Variants in LITAF observed in about 807,000 individuals in gnomAD.
The protein encoded by LITAF is lipopolysaccharide-induced tumor necrosis factor-alpha factor.
In LITAF, 9 loss-of-function variants were observed where a neutral mutation model predicts 14.5. The ratio of observed to expected loss-of-function variants is 0.62; its 90% CI spans 0.37 to 1.08. The LOEUF (loss-of-function observed/expected upper bound fraction) is 1.08, where lower values mean the gene tolerates loss of function less well. Among genes scored for constraint, LITAF ranks in the 50% least tolerant of loss-of-function variants. The pLI, the probability that LITAF is intolerant of heterozygous loss-of-function variation, is 0.01. For synonymous variants in LITAF, 98 were observed against 88.2 expected, an observed-to-expected ratio of 1.11 and a Z score of -0.62; for missense variants, 206 against 213.4, an observed-to-expected ratio of 0.97 and a Z score of 0.22.
At chr16:11,567,553 C>A (rs2064472760) in intron 1 of LITAF, among the ~76,000 whole-genome samples, 3 of 152,208 alleles carry the variant, frequency 2.0e-5, no homozygotes, top group Non-Finnish European at 2.9e-5. Flanking sequence ...AGTCTCCAAA[C>A]CTCAAGACTG....
At chr16:11,589,503 C>T (rs1346187823), upstream of LITAF, among the ~76,000 whole-genome samples, 1 of 151,960 alleles carries the variant, frequency 6.6e-6, no homozygotes, top group African/African-American at 2.4e-5. Flanking sequence ...TCTCTATTCA[C>T]AGGTGATATG....
At chr16:11,597,700 C>G (rs1260020200) in intron 1 of LITAF, among the ~76,000 whole-genome samples, 1 of 152,134 alleles carries the variant, frequency 6.6e-6, no homozygotes, top group East Asian at 1.9e-4. Context: ...AAAACAGTGT[C>G]CTACAGAGCC....
upstream of LITAF, chr16:11,587,423 A>G: frequency 2.2e-6 from 1 of 454,004 alleles, no homozygotes. Context: ...GCGTCCGGAC[A>G]GACCAAGACA....
intron 1 of LITAF, among the ~76,000 whole-genome samples, chr16:11,573,953 C>T (rs577923376): frequency 6.6e-6 from 1 of 151,890 alleles, no homozygotes; most frequent in African/African-American, 2.4e-5. Context: ...CCTCCCGCCT[C>T]GGGCTCCCAA....
upstream of LITAF, among the ~76,000 whole-genome samples, chr16:11,638,930 T>C (rs565660747): frequency 6.6e-6 from 1 of 152,214 alleles, no homozygotes; most frequent in East Asian, 1.9e-4. Flanking sequence ...TAGTAAACTT[T>C]AGTTATTTAA....
intron 2 of LITAF, among the ~76,000 whole-genome samples, chr16:11,555,658 C>CAAAA (rs5815645): frequency 8.2e-6 from 1 of 121,998 alleles, no homozygotes. Context: ...GACCCTGTCT[C>CAAAA]AAAAAAAAAA....
chr16:11,568,124 C>CA (rs1373706275), intron 1 of LITAF, among the ~76,000 whole-genome samples: 2 of 151,574 alleles, frequency 1.3e-5, no homozygotes, highest in Non-Finnish European at 2.9e-5. Context: ...CCCATCTCTA[C>CA]AAAAAAGACA....
intron 3 of LITAF, among the ~76,000 whole-genome samples, chr16:11,630,626 T>G (rs1251729836): frequency 2.7e-5 from 4 of 149,624 alleles, no homozygotes; most frequent in African/African-American, 9.9e-5. Context: ...TCACCTAGGC[T>G]GGAGTGCAGT....
At chr16:11,610,856 G>C (rs919942300) in intron 3 of LITAF, among the ~76,000 whole-genome samples, 1 of 152,118 alleles carries the variant, frequency 6.6e-6, no homozygotes, top group Non-Finnish European at 1.5e-5. Flanking sequence ...TCTTGGGTGG[G>C]GCTGGGGAAA....
chr16:11,573,618 C>A (rs1192203007), intron 1 of LITAF, among the ~76,000 whole-genome samples: 1 of 151,966 alleles, frequency 6.6e-6, no homozygotes, highest in Non-Finnish European at 1.5e-5. Flanking sequence ...GCAATCACCA[C>A]CAAGATATAC....
chr16:11,592,579 GAA>G (rs71136669), intron 1 of LITAF, among the ~76,000 whole-genome samples: 3 of 137,394 alleles, frequency 2.2e-5, no homozygotes, highest in South Asian at 4.7e-4. Flanking sequence ...TGTCTCAAAA[GAA>G]AAAAAAAAAA....
intron 3 of LITAF, among the ~76,000 whole-genome samples, chr16:11,610,390 G>A: frequency 6.7e-6 from 1 of 150,300 alleles, no homozygotes; most frequent in East Asian, 2.0e-4. Context: ...ATCGGGAAAG[G>A]ACGTGGCGGT....
intron 2 of LITAF, among the ~76,000 whole-genome samples, chr16:11,635,040 AAAATAAAATAAAATAAAAT>A (rs1322400738): frequency 0.16 from 28 of 176 alleles, no homozygotes; most frequent in African/African-American, 0.42. Flanking sequence ...TCTCAAAAAT[AAAATAAAATAAAATAAAAT>A]AAAATAAAAT....
At chr16:11,638,048 A>G (rs1299659728), upstream of LITAF, among the ~76,000 whole-genome samples, 1 of 107,066 alleles carries the variant, frequency 9.3e-6, no homozygotes, top group Non-Finnish European at 1.7e-5. Context: ...ATATCTATAT[A>G]TATATCTATA....
intron 3 of LITAF, among the ~76,000 whole-genome samples, chr16:11,616,649 G>T (rs2065021231): frequency 6.6e-6 from 1 of 152,032 alleles, no homozygotes; most frequent in African/African-American, 2.4e-5. Context: ...AATATCACAG[G>T]CTACCCTCTG....
At chr16:11,565,642 C>A (rs1351483535) in intron 1 of LITAF, among the ~76,000 whole-genome samples, 1 of 151,976 alleles carries the variant, frequency 6.6e-6, no homozygotes, top group Non-Finnish European at 1.5e-5. Context: ...AGCGCGACTC[C>A]CTGCTCCGGG....
chr16:11,548,773 C>T lies in LITAF; in HGVS notation c.*864G>A, dbSNP rs774210075. On this transcript the variant is annotated 3_prime_UTR_variant, in exon 4 of 4. Transcript: ENST00000622633. ...GAAGGATCGCTTGAGCCCAGGAGTT[C>T]GACACCAGCCTGGGCAACATAGTAA... is the stretch of plus-strand genomic sequence containing the variant. 11 of 452,606 alleles carry T rather than the reference C, an allele frequency of 2.4e-5. No homozygotes were observed. Among genetic ancestry groups the T allele is most frequent in the Admixed American group, 1.2e-4 (5 of 42,370 alleles). 28.0% of individuals were successfully genotyped at this position (452,606 alleles called of 1,614,324 possible).
At position 11,553,873 on chromosome 16, in the gene LITAF, A is replaced by C. The variant is rs2064223928; in HGVS notation, c.221-184T>G. 1 of 630,220 alleles carries C rather than the reference A, an allele frequency of 1.6e-6. No individual in the cohort carries two copies. The highest frequency in any genetic ancestry group is 1.8e-5 in the African/African-American group (1 of 55,040). The allele number at this position is 630,220 out of a possible 1,614,324, so 39.0% of individuals were successfully genotyped here. A position where few individuals can be genotyped will look rare whatever the true frequency, so the allele number is the denominator to read the frequency against. On this transcript the variant is annotated intron_variant, in intron 2 of 3. Coordinates refer to ENST00000622633, the MANE Select transcript of LITAF (RefSeq NM_001136472.2). This position sits in a 1 kb window ranked among gnomAD's most constrained non-coding sequence, Gnocchi z 7.7. Reference sequence around the variant, plus strand: ...AAAAGGGGAAGGAACACCAGTGTCCATCGACGGACCAATAAACTAACACAG... The same window carrying C: ...AAAAGGGGAAGGAACACCAGTGTCCCTCGACGGACCAATAAACTAACACAG...
intron 1 of LITAF, among the ~76,000 whole-genome samples, chr16:11,575,746 C>G (rs1218551803): frequency 6.6e-6 from 1 of 152,174 alleles, no homozygotes; most frequent in Non-Finnish European, 1.5e-5. Flanking sequence ...CCCGAGAACA[C>G]AAAAAACCAA....
Sources: gnomAD v4.1 joint callset for allele counts (sites outside exome capture counted in the v4.1 genomes callset) on GRCh38, gnomAD v4.1.1 for gene constraint, Gnocchi (gnomAD v3.1) non-coding constraint, MANE v1.5 for transcripts, NCBI Gene and HGNC (gene_info 2026-07-23, HGNC 2026-07-21) for gene names.